Variants in CDH13 observed in about 807,000 individuals in gnomAD.
CDH13 encodes cadherin-13.
Under a neutral mutation model 63.8 loss-of-function variants are expected in CDH13, and 24 were observed. That is an observed-to-expected ratio of 0.38 (90% CI 0.27 to 0.53). The LOEUF is 0.53. Among genes scored for constraint, CDH13 ranks in the 20% least tolerant of loss-of-function variants. CDH13 has a pLI of 0.85. For missense variants in CDH13, 1,049 were observed against 903.1 expected (o/e 1.16, Z -2.07); for synonymous variants, 503 against 355.3 (o/e 1.42, Z -4.67).
Position 83,410,278 on chromosome 16 carries a change from C to T in CDH13, c.781+65272C>T, listed in dbSNP as rs145165558. On this transcript the variant is annotated intron_variant, in intron 6 of 13. Transcript: ENST00000567109. Reference sequence around the variant, plus strand: ...TTTCCTGCAGAATCAAAACCACGTTCGCCTTTGGAATGGGTATTTATTTAT... The same window carrying T: ...TTTCCTGCAGAATCAAAACCACGTTTGCCTTTGGAATGGGTATTTATTTAT... Among the ~76,000 whole-genome samples the T allele has an allele frequency of 1.2e-4, 19 of 152,300 alleles. No individual in the cohort carries two copies. The East Asian group carries it at 3.3e-3, about 26-fold the overall frequency.
At chr16:82,833,399 T>C (rs922905224) in intron 1 of CDH13, among the ~76,000 whole-genome samples, 3 of 152,218 alleles carry the variant, frequency 2.0e-5, no homozygotes, top group African/African-American at 7.2e-5. Context: ...TAGTAAATTG[T>C]GGCGTGGGGA....
At chr16:83,560,905 C>CCCCCA (rs2075692965) in intron 7 of CDH13, among the ~76,000 whole-genome samples, 1 of 151,992 alleles carries the variant, frequency 6.6e-6, no homozygotes, top group African/African-American at 2.4e-5. Context: ...GTTGGCCCCC[C>CCCCCA]CCCCGCCCCA....
intron 1 of CDH13, among the ~76,000 whole-genome samples, chr16:82,778,406 T>G (rs1453211985): frequency 1.3e-5 from 2 of 151,964 alleles, no homozygotes; most frequent in Non-Finnish European, 2.9e-5. Context: ...TTTTGGATGG[T>G]GGGGGCATTT....
At chr16:82,979,492 T>G (rs928015948) in intron 2 of CDH13, among the ~76,000 whole-genome samples, 18 of 152,126 alleles carry the variant, frequency 1.2e-4, no homozygotes, top group Admixed American at 3.3e-4. Context: ...ACCCTCATGC[T>G]GTTTTCATGA....
intron 5 of CDH13, among the ~76,000 whole-genome samples, chr16:83,280,009 G>T (rs887916489): frequency 6.6e-6 from 1 of 152,238 alleles, no homozygotes; most frequent in African/African-American, 2.4e-5. Context: ...CTGGTAAAGA[G>T]TCTTGCCGCA....
chr16:82,840,879 G>A (rs1261363279), intron 1 of CDH13, among the ~76,000 whole-genome samples: 1 of 152,136 alleles, frequency 6.6e-6, no homozygotes, highest in African/African-American at 2.4e-5. Context: ...TATGAGTGTT[G>A]GTAGATGAAG....
intron 7 of CDH13, among the ~76,000 whole-genome samples, chr16:83,493,966 T>C (rs1396311811): frequency 6.6e-6 from 1 of 152,326 alleles, no homozygotes; most frequent in Non-Finnish European, 1.5e-5. Context: ...GCTTGTTAAA[T>C]AGATTAATAA....
chr16:83,220,835 T>A (rs2151792243), intron 5 of CDH13, among the ~76,000 whole-genome samples: 1 of 152,364 alleles, frequency 6.6e-6, no homozygotes, highest in East Asian at 1.9e-4. Flanking sequence ...CTCAGGGATT[T>A]GTATGATAAG....
intron 2 of CDH13, among the ~76,000 whole-genome samples, chr16:83,015,462 A>G (rs1033630084): frequency 6.6e-6 from 1 of 151,580 alleles, no homozygotes; most frequent in Non-Finnish European, 1.5e-5. Flanking sequence ...TCTTCCCAGC[A>G]TATGTAAAGT....
At chr16:83,396,481 C>T (rs1257567864) in intron 6 of CDH13, 2 of 152,202 alleles carry the variant, frequency 1.3e-5, no homozygotes, top group Non-Finnish European at 2.9e-5. Context: ...GCCTGGCTGA[C>T]CTCCTTCCTT....
chr16:83,338,197 A>C (rs1034519338), intron 5 of CDH13, among the ~76,000 whole-genome samples: 3 of 151,512 alleles, frequency 2.0e-5, no homozygotes, highest in African/African-American at 7.3e-5. Context: ...AAAAAAAAAA[A>C]AAAAAACAAG....
intron 6 of CDH13, among the ~76,000 whole-genome samples, chr16:83,448,114 T>C (rs770279359): frequency 1.3e-5 from 2 of 152,172 alleles, no homozygotes; most frequent in African/African-American, 4.8e-5. Flanking sequence ...TATAGAGATA[T>C]AACTTTTAAA....
intron 1 of CDH13, among the ~76,000 whole-genome samples, chr16:82,807,666 C>G (rs912701532): frequency 4.6e-5 from 7 of 152,072 alleles, no homozygotes; most frequent in African/African-American, 1.7e-4. Flanking sequence ...TAAGCTAAAG[C>G]CTTTATGAGT....
intron 7 of CDH13, among the ~76,000 whole-genome samples, chr16:83,568,430 A>T (rs1431892079): frequency 6.6e-6 from 1 of 152,144 alleles, no homozygotes; most frequent in African/African-American, 2.4e-5. Context: ...CGGTTCATTT[A>T]TGAGGTTTCT....
chr16:83,080,504 A>G (rs918705580), intron 3 of CDH13, among the ~76,000 whole-genome samples: 5 of 152,166 alleles, frequency 3.3e-5, no homozygotes, highest in African/African-American at 1.2e-4. Flanking sequence ...CTTTGCATGC[A>G]CTGTGACTAT....
At chr16:83,654,115 T>C (rs2046784395) in intron 8 of CDH13, among the ~76,000 whole-genome samples, 1 of 151,924 alleles carries the variant, frequency 6.6e-6, no homozygotes, top group Non-Finnish European at 1.5e-5. Context: ...GGATGGAGGA[T>C]AAAAGTGTGG....
At chr16:83,730,693 G>T (rs1297375625) in intron 10 of CDH13, among the ~76,000 whole-genome samples, 1 of 152,002 alleles carries the variant, frequency 6.6e-6, no homozygotes, top group Non-Finnish European at 1.5e-5. Flanking sequence ...AGATTCAGGG[G>T]GTCCATGGGC....
At chr16:82,989,742 T>C (rs1198321477) in intron 2 of CDH13, among the ~76,000 whole-genome samples, 3 of 152,236 alleles carry the variant, frequency 2.0e-5, no homozygotes, top group African/African-American at 7.2e-5. Flanking sequence ...AACCCACCTA[T>C]ACAGAAGTGA....
At chr16:83,065,084 C>G (rs74030385) in intron 3 of CDH13, among the ~76,000 whole-genome samples, 1 of 151,988 alleles carries the variant, frequency 6.6e-6, no homozygotes, top group Non-Finnish European at 1.5e-5. Context: ...ATTTCCCATA[C>G]AAGTGAGATC....
Sources: gnomAD v4.1 joint callset for allele counts (sites outside exome capture counted in the v4.1 genomes callset) on GRCh38, gnomAD v4.1.1 for gene constraint, MANE v1.5 for transcripts, NCBI Gene and HGNC (gene_info 2026-07-23, HGNC 2026-07-21) for gene names.